Variants in PTPRD observed in about 807,000 individuals in gnomAD.
PTPRD encodes the protein protein tyrosine phosphatase receptor type D, also known as receptor-type tyrosine-protein phosphatase delta.
In PTPRD, 34 loss-of-function variants were observed where a neutral mutation model predicts 214.5. The ratio of observed to expected loss-of-function variants is 0.16; its 90% CI spans 0.12 to 0.21. The LOEUF (loss-of-function observed/expected upper bound fraction) is 0.21, where lower values mean the gene tolerates loss of function less well. PTPRD is among the 10% of genes least tolerant of loss of function. The pLI is 1.00. For synonymous variants in PTPRD, 1,128 were observed against 845.7 expected (o/e 1.33, Z -5.79); for missense variants, 2,545 against 2,398.7 (o/e 1.06, Z -1.27).
intron 7 of PTPRD, among the ~76,000 whole-genome samples, chr9:9,625,410 G>A (rs554671771): frequency 4.6e-5 from 7 of 152,208 alleles, no homozygotes; most frequent in African/African-American, 1.7e-4. Context: ...GTACGTCTTC[G>A]CACTGTATTA....
At chr9:8,773,323 C>G (rs148010987) in intron 11 of PTPRD, among the ~76,000 whole-genome samples, 207 of 152,246 alleles carry the variant, frequency 1.4e-3, no homozygotes, top group African/African-American at 4.2e-3. Context: ...TTAGCCTACC[C>G]AGACACTCGG....
intron 3 of PTPRD, among the ~76,000 whole-genome samples, chr9:10,095,999 C>T (rs1204740850): frequency 7.3e-5 from 11 of 151,524 alleles, no homozygotes; most frequent in Non-Finnish European, 1.5e-5. Flanking sequence ...TATGTGAATT[C>T]TGTATATTCC....
chr9:10,494,856 G>C (rs879394903), intron 2 of PTPRD, among the ~76,000 whole-genome samples: 1 of 151,176 alleles, frequency 6.6e-6, no homozygotes, highest in Non-Finnish European at 1.5e-5. Context: ...TTCTAGTATT[G>C]GGCAAATTAT....
chr9:9,274,443 T>A (rs182034366), intron 9 of PTPRD, among the ~76,000 whole-genome samples: 1 of 151,440 alleles, frequency 6.6e-6, no homozygotes, highest in African/African-American at 2.4e-5. Context: ...TGGAACAGAT[T>A]ATGCTACAAC....
chr9:10,080,786 T>C (rs1365815106), intron 3 of PTPRD, among the ~76,000 whole-genome samples: 1 of 152,152 alleles, frequency 6.6e-6, no homozygotes, highest in Non-Finnish European at 1.5e-5. Flanking sequence ...TTTTATGCTC[T>C]TGACCATTAA....
At chr9:10,310,353 A>G (rs1004437631) in intron 3 of PTPRD, among the ~76,000 whole-genome samples, 2 of 152,110 alleles carry the variant, frequency 1.3e-5, no homozygotes, top group Non-Finnish European at 2.9e-5. Flanking sequence ...AACTGATACA[A>G]AAATGGAAAA....
intron 11 of PTPRD, among the ~76,000 whole-genome samples, chr9:8,799,793 G>A (rs769885391): frequency 6.6e-6 from 1 of 151,950 alleles, no homozygotes; most frequent in Non-Finnish European, 1.5e-5. Context: ...ATGCTCCAGA[G>A]AAATCCTCCT....
intron 8 of PTPRD, among the ~76,000 whole-genome samples, chr9:9,397,738 G>C (rs1246565568): frequency 2.6e-5 from 4 of 151,748 alleles, no homozygotes; most frequent in African/African-American, 9.7e-5. Context: ...TATATGTATT[G>C]CACCAATATT....
intron 5 of PTPRD, among the ~76,000 whole-genome samples, chr9:9,855,456 A>G (rs1200191108): frequency 6.6e-6 from 1 of 152,222 alleles, no homozygotes; most frequent in Non-Finnish European, 1.5e-5. Flanking sequence ...CTAGAATTGA[A>G]TAAAGAGAAT....
At chr9:9,894,388 C>T (rs975149764) in intron 5 of PTPRD, among the ~76,000 whole-genome samples, 1 of 152,088 alleles carries the variant, frequency 6.6e-6, no homozygotes, top group Non-Finnish European at 1.5e-5. Context: ...TACTACCTCT[C>T]TCAAGGCTCA....
intron 2 of PTPRD, among the ~76,000 whole-genome samples, chr9:10,426,183 A>T (rs1239365556): frequency 6.6e-6 from 1 of 151,970 alleles, no homozygotes; most frequent in Non-Finnish European, 1.5e-5. Context: ...GCTTGGTGTT[A>T]TTCCTAAAAT....
intron 4 of PTPRD, among the ~76,000 whole-genome samples, chr9:9,954,864 A>C (rs1038570978): frequency 6.6e-6 from 1 of 152,182 alleles, no homozygotes; most frequent in East Asian, 1.9e-4. Flanking sequence ...CAAATATTAC[A>C]AAGGAATGAG....
At chr9:9,782,048 C>T (rs888872841) in intron 5 of PTPRD, among the ~76,000 whole-genome samples, 6 of 152,138 alleles carry the variant, frequency 3.9e-5, no homozygotes, top group African/African-American at 1.4e-4. Context: ...GTCTCAGCCT[C>T]CCAAAGTGCT....
At chr9:10,001,880 T>C (rs1271899506) in intron 4 of PTPRD, among the ~76,000 whole-genome samples, 1 of 151,878 alleles carries the variant, frequency 6.6e-6, no homozygotes, top group Non-Finnish European at 1.5e-5. Context: ...AAACAAACAA[T>C]ATAGGGAAAT....
Position 8,518,109 on chromosome 9 carries a change from T to C in PTPRD, c.1282A>G (p.Met428Val), listed in dbSNP as rs2138517185. The change falls in exon 21 of 46, where the codon ATG (methionine) becomes GTG (valine). Residue 428 changes from methionine to valine, a missense_variant. Physicochemically the swap from Met to Val is conservative, Grantham distance 21. Transcript: ENST00000381196. ...ACCAAAATGGTGGTCGAACTCAACA[T>C]TCGTGCCTGGACATCCCTCGGGGCA... ...SSAPRDVQAR[M>V]LSSTTILVQW... 2 of 1,614,194 alleles carry C rather than the reference T, an allele frequency of 1.2e-6. No individual in the cohort carries two copies. Among genetic ancestry groups the C allele is most frequent in the Non-Finnish European group, 1.7e-6 (2 of 1,180,036 alleles).
chr9:10,529,873 G>C (rs143032836), intron 2 of PTPRD, among the ~76,000 whole-genome samples: 2,055 of 152,014 alleles, frequency 0.014, 20 homozygotes, highest in Non-Finnish European at 0.022. Context: ...ATGGAAACAA[G>C]GAGGGGAACA....
chr9:10,290,510 T>C (rs897439291), intron 3 of PTPRD, among the ~76,000 whole-genome samples: 6 of 152,164 alleles, frequency 3.9e-5, no homozygotes, highest in African/African-American at 1.4e-4. Context: ...AAGCTTCTCT[T>C]TTACTTTCCT....
chr9:8,944,051 AG>A (rs1227191072), intron 11 of PTPRD, among the ~76,000 whole-genome samples: 3 of 152,036 alleles, frequency 2.0e-5, no homozygotes, highest in Non-Finnish European at 4.4e-5. Context: ...ACAACTAAGT[AG>A]GAAAAAAAAA....
chr9:8,893,495 G>T (rs551096846), intron 11 of PTPRD, among the ~76,000 whole-genome samples: 1 of 152,312 alleles, frequency 6.6e-6, no homozygotes, highest in African/African-American at 2.4e-5. Flanking sequence ...TTCACTCTCA[G>T]AAAATTGACA....
Sources: gnomAD v4.1 joint callset for allele counts (sites outside exome capture counted in the v4.1 genomes callset) on GRCh38, gnomAD v4.1.1 for gene constraint, MANE v1.5 for transcripts, NCBI Gene and HGNC (gene_info 2026-07-23, HGNC 2026-07-21) for gene names.